The following RBM17 variants were observed in gnomAD, a reference collection of about 807,000 sequenced individuals.
RBM17 encodes the protein RNA binding motif protein 17.
Under a neutral mutation model 53.2 loss-of-function variants are expected in RBM17, and 7 were observed. The ratio of observed to expected loss-of-function variants is 0.13; its 90% CI spans 0.07 to 0.25. The LOEUF (loss-of-function observed/expected upper bound fraction) is 0.25, where lower values mean the gene tolerates loss of function less well. RBM17 is among the 10% of genes least tolerant of loss of function. RBM17 has a pLI of 1.00. For missense variants in RBM17, 257 were observed against 496.7 expected (o/e 0.52, Z 4.59); for synonymous variants, 167 against 178.1 (o/e 0.94, Z 0.50).
At chr10:6,099,465 C>T (rs1840637546) in intron 2 of RBM17, among the ~76,000 whole-genome samples, 1 of 152,034 alleles carries the variant, frequency 6.6e-6, no homozygotes, top group African/African-American at 2.4e-5. Context: ...GGATTGGTTC[C>T]AGGACCCCCC....
At position 6,112,039 on chromosome 10, in the gene RBM17, C is replaced by T. The variant is rs530881494; in HGVS notation, c.705-171C>T. On this transcript the variant is annotated intron_variant, in intron 7 of 11. Transcript: ENST00000379888. The surrounding 1 kb of genome is among the most constrained non-coding windows in gnomAD (Gnocchi z 4.4). ...CTTTTTCTATTTCTTTCATGCTGCA[C>T]ATCCCCACAGCTTCCATCTAATAGC... is the stretch of plus-strand genomic sequence containing the variant. 6.6e-6 allele frequency among the ~76,000 whole-genome samples: 1 copy of T among 152,268 alleles called. No homozygotes were observed. Among genetic ancestry groups the T allele is most frequent in the East Asian group, 1.9e-4 (1 of 5,176 alleles).
At position 6,109,791 on chromosome 10, in the gene RBM17, C is replaced by T. The variant is rs182541368; in HGVS notation, c.563-195C>T. Among the ~76,000 whole-genome samples, 58 of 152,226 alleles carry T rather than the reference C, an allele frequency of 3.8e-4. 1 individual carries two copies. In the East Asian group the frequency reaches 0.01, roughly 27 times the overall value. On this transcript the variant is annotated intron_variant, in intron 6 of 11. Coordinates refer to ENST00000379888, the MANE Select transcript of RBM17 (RefSeq NM_032905.5). ...GAAATAGCAAAAGGAAAGTTAGAAT[C>T]AGGAAAGTAGCGTCCTCCCTCTGTG...
intron 1 of RBM17, among the ~76,000 whole-genome samples, chr10:6,090,337 T>A (rs1323295274): frequency 6.6e-6 from 1 of 152,234 alleles, no homozygotes; most frequent in Non-Finnish European, 1.5e-5. Context: ...CATTTTTAGT[T>A]GTAAAGGCTG....
At chr10:6,090,372 C>T (rs1432595637) in intron 1 of RBM17, among the ~76,000 whole-genome samples, 2 of 152,128 alleles carry the variant, frequency 1.3e-5, no homozygotes, top group African/African-American at 4.8e-5. Context: ...GTAATGACAG[C>T]TTTTAGGGAA....
chr10:6,091,282 C>T (rs1840481027), intron 1 of RBM17, among the ~76,000 whole-genome samples: 1 of 152,088 alleles, frequency 6.6e-6, no homozygotes, highest in Admixed American at 6.5e-5. Context: ...TGGTCTCGAA[C>T]TCCTGATCTC....
intron 1 of RBM17, among the ~76,000 whole-genome samples, chr10:6,094,466 G>C (rs1840541278): frequency 1.3e-5 from 2 of 152,170 alleles, no homozygotes; most frequent in African/African-American, 4.8e-5. Flanking sequence ...TTATTTCTCA[G>C]AATCTGTTAG....
In RBM17 at chr10:6,110,059, A is replaced by C; in HGVS notation, c.636A>C (p.Pro212=). ...SQSSKAAIPP[P]VYEEQDRPRS... ...CTTCCAAAGCAGCCATTCCTCCCCC[A>C]GTGTACGAGGAACAAGACAGACCGA... The change falls in exon 7 of 12, where the codon CCA becomes CCC. Residue 212 remains proline, a synonymous_variant. Coordinates refer to ENST00000379888, the MANE Select transcript of RBM17 (RefSeq NM_032905.5). 1.2e-6 allele frequency: 2 copies of C among 1,613,238 alleles called. No individual in the cohort carries two copies. The highest frequency in any genetic ancestry group is 1.7e-4 in the Middle Eastern group (1 of 6,058).
intron 2 of RBM17, among the ~76,000 whole-genome samples, chr10:6,099,163 G>A (rs1342865817): frequency 6.6e-6 from 1 of 151,952 alleles, no homozygotes; most frequent in African/African-American, 2.4e-5. Flanking sequence ...GAAGATGCAG[G>A]TGTGAGCCAC....
At position 6,089,578 on chromosome 10, in the gene RBM17, CT is replaced by C. The variant is rs1840448924; in HGVS notation, c.-19+386del. The C allele has an allele frequency of 6.5e-6, 1 of 152,704 alleles. No individual in the cohort carries two copies. Among genetic ancestry groups the C allele is most frequent in the Admixed American group, 6.5e-5 (1 of 15,292 alleles). 9.5% of individuals were successfully genotyped at this position (152,704 alleles called of 1,614,324 possible). A position where few individuals can be genotyped will look rare whatever the true frequency, so the allele number is the denominator to read the frequency against. The stretch of plus-strand genomic sequence containing the variant: ...CCGAGTAGCCCGTAGCGTGTCCCCC[CT>C]GGCCCTGCACGGTTGCCCCTCTCTG... On this transcript the variant is annotated intron_variant, in intron 1 of 11. Coordinates refer to ENST00000379888, the MANE Select transcript of RBM17 (RefSeq NM_032905.5). This position sits in a 1 kb window ranked among gnomAD's most constrained non-coding sequence, Gnocchi z 5.6.
At position 6,115,610 on chromosome 10, in the gene RBM17, C is replaced by A; in HGVS notation, c.*54C>A. The A allele has an allele frequency of 8.6e-7, 1 of 1,163,142 alleles. No homozygotes were observed. Among genetic ancestry groups the A allele is most frequent in the South Asian group, 1.2e-5 (1 of 81,172 alleles). 72.1% of individuals were successfully genotyped at this position (1,163,142 alleles called of 1,614,324 possible). ...CGGTGATCCTTAAATGAACTGCAGG[C>A]TGAGAAAAGAAGGAAAAAGGTCACA... is the stretch of plus-strand genomic sequence containing the variant. On this transcript the variant is annotated 3_prime_UTR_variant, in exon 12 of 12. Transcript: ENST00000379888.
chr10:6,100,112 C>T (rs776707380), intron 2 of RBM17, among the ~76,000 whole-genome samples: 1 of 152,050 alleles, frequency 6.6e-6, no homozygotes, highest in Non-Finnish European at 1.5e-5. Flanking sequence ...TGTAAACTTT[C>T]GTATTTACTT....
chr10:6,110,133 G>A lies in RBM17; in HGVS notation c.704+6G>A. 1.9e-6 allele frequency: 3 copies of A among 1,604,614 alleles called. No individual in the cohort carries two copies. The highest frequency in any genetic ancestry group is 2.6e-6 in the Non-Finnish European group (3 of 1,175,554). ...TCCTTCCTCGCTAACATGGGGTAAT[G>A]ATTTAATGTTCTTATCTAAGGACTT... On this transcript the variant is annotated splice_donor_region_variant and intron_variant, in intron 7 of 11. Transcript: ENST00000379888.
At chr10:6,100,173 G>C (rs970060842) in intron 2 of RBM17, among the ~76,000 whole-genome samples, 4 of 152,322 alleles carry the variant, frequency 2.6e-5, no homozygotes, top group African/African-American at 9.6e-5. Flanking sequence ...TATAAGTATT[G>C]TTATATTCAA....
At chr10:6,105,144 A>T (rs749395879) in intron 4 of RBM17, 47 bp downstream of exon 4, 2 of 1,575,334 alleles carry the variant, frequency 1.3e-6, no homozygotes, top group East Asian at 4.5e-5. Context: ...TGAAATGTTC[A>T]TTAAAATGTT....
At chr10:6,101,095 C>A (rs978112205) in intron 2 of RBM17, among the ~76,000 whole-genome samples, 176 bp from the exon 3 acceptor site, 2 of 152,042 alleles carry the variant, frequency 1.3e-5, no homozygotes, top group African/African-American at 2.4e-5. Context: ...TTTGAAAAAG[C>A]TGAAAGAAAA....
intron 4 of RBM17, among the ~76,000 whole-genome samples, chr10:6,105,909 G>T (rs547984609): frequency 1.4e-4 from 21 of 151,898 alleles, no homozygotes; most frequent in African/African-American, 5.1e-4. Flanking sequence ...TTTCATGCTG[G>T]TTGCTCTCGT....
intron 3 of RBM17, among the ~76,000 whole-genome samples, chr10:6,101,642 C>T (rs1039652407): frequency 1.3e-5 from 2 of 152,176 alleles, no homozygotes; most frequent in Admixed American, 6.5e-5. Context: ...TCATACAATC[C>T]GGAAGTGAAA....
chr10:6,113,606 C>T, intron 9 of RBM17, 25 bp downstream of exon 9: 1 of 1,479,196 alleles, frequency 6.8e-7, no homozygotes, highest in Non-Finnish European at 9.5e-7. Flanking sequence ...AAAGCAAGCT[C>T]TCTGCCTGCC....
At chr10:6,110,251 C>G in intron 7 of RBM17, 124 bp downstream of exon 7, 1 of 716,308 alleles carries the variant, frequency 1.4e-6, no homozygotes, top group Non-Finnish European at 2.1e-6. Flanking sequence ...GCAGGTCACA[C>G]GGTACCTGCC....
Sources: allele counts gnomAD v4.1 joint callset (sites outside exome capture counted in the v4.1 genomes callset), GRCh38; gene constraint gnomAD v4.1.1; non-coding constraint Gnocchi (gnomAD v3.1); transcripts MANE v1.5; gene names NCBI Gene and HGNC (gene_info 2026-07-23, HGNC 2026-07-21).